The following VAC14 variants were observed in gnomAD, a reference collection of about 807,000 sequenced individuals.
The protein encoded by VAC14 is VAC14 component of PIKFYVE complex.
A neutral mutation model predicts 85.3 loss-of-function variants in VAC14; 47 were observed. The ratio of observed to expected loss-of-function variants is 0.55; its 90% CI spans 0.44 to 0.70. VAC14 has a LOEUF of 0.70. Among genes scored for constraint, VAC14 ranks in the 30% least tolerant of loss-of-function variants. The pLI, the probability that VAC14 is intolerant of heterozygous loss-of-function variation, is 0.00. For synonymous variants in VAC14, 447 were observed against 430.5 expected (o/e 1.04, Z -0.47); for missense variants, 861 against 1,004.3 (o/e 0.86, Z 1.93).
chr16:70,782,461 A>T (rs2033861042), intron 7 of VAC14, among the ~76,000 whole-genome samples: 1 of 152,202 alleles, frequency 6.6e-6, no homozygotes, highest in Non-Finnish European at 1.5e-5. Flanking sequence ...GGACGATGAG[A>T]CATGTGGTCC....
rs1415258267 is a variant in VAC14, at chr16:70,797,465, C to A, written c.104+3332G>T. On this transcript the variant is annotated intron_variant, in intron 1 of 18. Coordinates refer to ENST00000261776, the MANE Select transcript of VAC14 (RefSeq NM_018052.5). ...GGCAAATATAGGAGGCTATCATTCT[C>A]CCTACCAAAAAGTGGTAACAGCAGT... is the stretch of plus-strand genomic sequence containing the variant. Among the ~76,000 whole-genome samples, 3 of 152,184 alleles carry A rather than the reference C, an allele frequency of 2.0e-5. No individual in the cohort carries two copies. In the East Asian group the frequency reaches 5.8e-4, roughly 29 times the overall value.
intron 18 of VAC14, chr16:70,688,608 G>A: frequency 1.0e-6 from 1 of 985,592 alleles, no homozygotes; most frequent in Admixed American, 6.1e-5. Context: ...AAGGCCTGCA[G>A]TCACTCACTG....
chr16:70,741,420 G>C (rs1233118753), intron 13 of VAC14, among the ~76,000 whole-genome samples: 6 of 152,208 alleles, frequency 3.9e-5, no homozygotes, highest in African/African-American at 1.2e-4. Context: ...GCACACTCTG[G>C]CTCCCCTGGC....
At chr16:70,693,743 T>C (rs1015865046) in intron 17 of VAC14, among the ~76,000 whole-genome samples, 6 of 152,224 alleles carry the variant, frequency 3.9e-5, no homozygotes, top group Non-Finnish European at 8.8e-5. Context: ...TGCGAGCCTC[T>C]CCAGGAGAAT....
intron 13 of VAC14, among the ~76,000 whole-genome samples, chr16:70,740,772 G>A (rs1480146642): frequency 1.3e-5 from 2 of 152,242 alleles, no homozygotes; most frequent in Admixed American, 6.5e-5. Flanking sequence ...CGATTCTGCG[G>A]CTCTGCACAG....
chr16:70,744,453 G>A lies in VAC14; in HGVS notation c.1498C>T (p.Pro500Ser), dbSNP rs774953912. The stretch of plus-strand genomic sequence containing the variant: ...GTGTTCAGTAGGCCGGCTCTGCCAG[G>A]GGTGGGCACCTGGAGCTCTGAGTGG... ...ASHSELQVPT[P>S]GRAGLLNTSG... Residue 500 changes from proline to serine, a missense_variant, in exon 13 of 19, where the codon CCT (proline) becomes TCT (serine). Physicochemically the swap from Pro to Ser is moderately conservative, Grantham distance 74. Coordinates refer to ENST00000261776, the MANE Select transcript of VAC14 (RefSeq NM_018052.5). 3.9e-5 allele frequency: 63 copies of A among 1,613,976 alleles called. No homozygotes were observed. Among genetic ancestry groups the A allele is most frequent in the Middle Eastern group, 3.3e-4 (2 of 6,078 alleles).
chr16:70,758,292 G>T (rs967741088), intron 12 of VAC14, among the ~76,000 whole-genome samples: 1 of 152,222 alleles, frequency 6.6e-6, no homozygotes, highest in East Asian at 1.9e-4. Flanking sequence ...CTTTAAACAC[G>T]CCTATGAGGC....
chr16:70,761,544 C>T (rs1016828352), intron 12 of VAC14, among the ~76,000 whole-genome samples: 2 of 152,204 alleles, frequency 1.3e-5, no homozygotes, highest in Admixed American at 6.5e-5. Context: ...CAGGGGAACC[C>T]GGTAAAGGAA....
chr16:70,704,118 A>C (rs376327943), intron 14 of VAC14, among the ~76,000 whole-genome samples: 2 of 152,314 alleles, frequency 1.3e-5, no homozygotes, highest in African/African-American at 4.8e-5. Flanking sequence ...ATGCTCTCCC[A>C]AACCCCCACC....
At chr16:70,744,839 C>G (rs16970476) in intron 12 of VAC14, among the ~76,000 whole-genome samples, 2 of 152,338 alleles carry the variant, frequency 1.3e-5, no homozygotes, top group East Asian at 3.9e-4. Flanking sequence ...TTCGGAGAGT[C>G]AGCTTCCCCA....
At position 70,762,538 on chromosome 16, in the gene VAC14, A is replaced by T. The variant is rs1315889344; in HGVS notation, c.1371+2T>A. 1 of 1,613,944 alleles carries T rather than the reference A, an allele frequency of 6.2e-7. No individual in the cohort carries two copies. The highest frequency in any genetic ancestry group is 8.5e-7 in the Non-Finnish European group (1 of 1,179,962). On this transcript the variant is annotated splice_donor_variant, in intron 12 of 18. Transcript: ENST00000261776. LOFTEE classifies it high-confidence loss of function. The surrounding 1 kb of genome is among the most constrained non-coding windows in gnomAD (Gnocchi z 4.1). ...TAAGTACGGGTGGCGTTGGTGACCT[A>T]CCTCATCCGATTCATCCGATAACGT...
chr16:70,695,692 C>A, intron 16 of VAC14, 69 bp from the exon 17 acceptor site: 1 of 1,486,714 alleles, frequency 6.7e-7, no homozygotes, highest in East Asian at 2.3e-5. Context: ...ACCACACGCC[C>A]TCCCCCCCTG....
At chr16:70,723,795 C>A (rs894637535) in intron 14 of VAC14, among the ~76,000 whole-genome samples, 1 of 152,194 alleles carries the variant, frequency 6.6e-6, no homozygotes, top group Non-Finnish European at 1.5e-5. Flanking sequence ...GAAAGACTGG[C>A]AAGGGGCCAG....
chr16:70,760,432 G>C (rs2032234153), intron 12 of VAC14, among the ~76,000 whole-genome samples: 1 of 152,176 alleles, frequency 6.6e-6, no homozygotes, highest in Admixed American at 6.5e-5. Flanking sequence ...TTAGGAATGT[G>C]ATTCTGGAAA....
intron 5 of VAC14, 41 bp from the exon 6 acceptor site, chr16:70,783,595 A>C (rs761076151): frequency 6.3e-7 from 1 of 1,594,184 alleles, no homozygotes; most frequent in Non-Finnish European, 8.6e-7. Flanking sequence ...TCAGCTCCAG[A>C]ACCCTGTTTC....
Position 70,723,718 on chromosome 16 carries a change from C to T in VAC14, c.1661+7777G>A, listed in dbSNP as rs556974894. Among the ~76,000 whole-genome samples, 158 of 152,368 alleles carry T rather than the reference C, an allele frequency of 1.0e-3. 1 individual carries two copies. The highest frequency in any genetic ancestry group is 1.8e-3 in the Non-Finnish European group (122 of 68,034). On this transcript the variant is annotated intron_variant, in intron 14 of 18. Transcript: ENST00000261776. ...TCACCCTACCAGCCCTGCTGGTTGC[C>T]TGAGCTATGGGGCTGGGGGAGGTGA...
In VAC14 at chr16:70,687,908, CCTCCTCCGTGCCAGGCCTGT is replaced by C; in HGVS notation, c.2349_*19del. 6.7e-7 allele frequency: 1 copy of C among 1,501,830 alleles called. No homozygotes were observed. The highest frequency in any genetic ancestry group is 8.9e-7 in the Non-Finnish European group (1 of 1,118,430). The allele number at this position is 1,501,830 out of a possible 1,614,324, so 93.0% of individuals were successfully genotyped here. On this transcript the variant is annotated stop_lost and 3_prime_UTR_variant, in exon 19 of 19. Coordinates refer to ENST00000261776, the MANE Select transcript of VAC14 (RefSeq NM_018052.5). ...TGTTTCATGGGACCACTCGGTGGGCCCTCCTCCGTGCCAGGCCTGTCAGAGGACAACCCTCCGGTCCAGGT... is the reference window on the plus strand; with the variant it reads ...TGTTTCATGGGACCACTCGGTGGGCCCAGAGGACAACCCTCCGGTCCAGGT...
At chr16:70,774,912 AT>A (rs970722788) in intron 9 of VAC14, among the ~76,000 whole-genome samples, 64 of 146,748 alleles carry the variant, frequency 4.4e-4, no homozygotes, top group African/African-American at 4.7e-4. Flanking sequence ...TGCCCGGCTA[AT>A]TTTTTTTTTT....
Position 70,800,810 on chromosome 16 carries a change from G to A in VAC14, c.91C>T (p.Leu31=), listed in dbSNP as rs368856091. 43 of 1,609,728 alleles carry A rather than the reference G, an allele frequency of 2.7e-5. No homozygotes were observed. The highest frequency in any genetic ancestry group is 3.5e-5 in the Non-Finnish European group (41 of 1,178,138). ...KLYEKRKVAA[L]EIEKLVREFV... ...GGCGGCTCTTACTTCTCGATCTCCAGCGCTGCCACCTTCCGCTTTTCGTAC... is the reference window on the plus strand; with the variant it reads ...GGCGGCTCTTACTTCTCGATCTCCAACGCTGCCACCTTCCGCTTTTCGTAC... The change falls in exon 1 of 19, where the codon CTG becomes TTG. Residue 31 remains leucine (L), a synonymous_variant. Transcript: ENST00000261776.
Sources: gnomAD v4.1 joint callset for allele counts (sites outside exome capture counted in the v4.1 genomes callset) on GRCh38, gnomAD v4.1.1 for gene constraint, Gnocchi (gnomAD v3.1) non-coding constraint, MANE v1.5 for transcripts, NCBI Gene and HGNC (gene_info 2026-07-23, HGNC 2026-07-21) for gene names.